Variants in UXS1 observed in about 807,000 individuals in gnomAD.
The protein encoded by UXS1 is UDP-glucuronate decarboxylase 1, also known as UDP-glucuronic acid decarboxylase 1.
UXS1 carries 33 observed loss-of-function variants against 62.6 expected under a neutral mutation model. The ratio of observed to expected loss-of-function variants is 0.53; its 90% CI spans 0.40 to 0.70. The LOEUF (loss-of-function observed/expected upper bound fraction) is 0.70, where lower values mean the gene tolerates loss of function less well. Among genes scored for constraint, UXS1 ranks in the 30% least tolerant of loss-of-function variants. The pLI is 0.00. For missense variants in UXS1, 434 were observed against 556.3 expected, an observed-to-expected ratio of 0.78 and a Z score of 2.21; for synonymous variants, 213 against 206.8, an observed-to-expected ratio of 1.03 and a Z score of -0.26.
rs767306152 is a variant in UXS1 at position 106,123,095 on chromosome 2, C to T, written c.638-4G>A. 22 of 1,613,394 alleles carry T rather than the reference C, an allele frequency of 1.4e-5. No homozygotes were observed. Among genetic ancestry groups the T allele is most frequent in the East Asian group, 2.2e-5 (1 of 44,872 alleles). ...CTTTGAGGGTGGACTTCAGGATCTA[C>T]GATGGGAGAAAAGTGAGACTGTTTT... On this transcript the variant is annotated splice_polypyrimidine_tract_variant and splice_region_variant and intron_variant, in intron 8 of 14. Coordinates refer to ENST00000283148, the MANE Select transcript of UXS1 (RefSeq NM_001253875.2).
At chr2:106,121,112 G>A (rs889748815) in intron 9 of UXS1, among the ~76,000 whole-genome samples, 1 of 152,220 alleles carries the variant, frequency 6.6e-6, no homozygotes, top group African/African-American at 2.4e-5. Context: ...TAGCATTTGT[G>A]TGAAATGCAG....
In UXS1 at chr2:106,096,841, A is replaced by C. The variant is rs1242291927; in HGVS notation, c.1043-20T>G. On this transcript the variant is annotated intron_variant, in intron 13 of 14. Transcript: ENST00000283148. ...CGCTACCTGAGATGTTTAAAGAAAA[A>C]AAAGGTAGGAGAGAATCACAAAGCA... 7 of 1,560,182 alleles carry C rather than the reference A, an allele frequency of 4.5e-6. No individual in the cohort carries two copies. The African/African-American group carries it at 8.2e-5, about 18-fold the overall frequency.
intron 5 of UXS1, among the ~76,000 whole-genome samples, chr2:106,155,028 GAGA>G (rs1558732865): frequency 6.6e-6 from 1 of 152,160 alleles, no homozygotes; most frequent in Non-Finnish European, 1.5e-5. Context: ...GCAAGACAGG[GAGA>G]AGAAGGGGGT....
chr2:106,163,949 T>C (rs1425797036), intron 3 of UXS1, among the ~76,000 whole-genome samples: 1 of 152,212 alleles, frequency 6.6e-6, no homozygotes, highest in African/African-American at 2.4e-5. Flanking sequence ...ATGTTTTTGC[T>C]CACCCATCCT....
chr2:106,124,377 C>A (rs966108483), intron 8 of UXS1, among the ~76,000 whole-genome samples: 3 of 152,182 alleles, frequency 2.0e-5, no homozygotes, highest in Non-Finnish European at 2.9e-5. Flanking sequence ...AGTCCCCTCA[C>A]AAAATCACCG....
intron 4 of UXS1, chr2:106,159,041 TAAAAAC>T (rs1682687510): frequency 6.6e-6 from 1 of 152,114 alleles, no homozygotes; most frequent in African/African-American, 2.4e-5. Context: ...AAACTACCCT[TAAAAAC>T]TCAAGCCGCC....
intron 5 of UXS1, among the ~76,000 whole-genome samples, chr2:106,155,930 G>A (rs1042207799): frequency 6.6e-6 from 1 of 152,014 alleles, no homozygotes; most frequent in Non-Finnish European, 1.5e-5. Flanking sequence ...CTAAATTTAA[G>A]AACAAAATCT....
At chr2:106,170,624 T>C (rs934018653) in intron 1 of UXS1, among the ~76,000 whole-genome samples, 1 of 152,214 alleles carries the variant, frequency 6.6e-6, no homozygotes, top group Non-Finnish European at 1.5e-5. Context: ...CTACCTGCTT[T>C]GCTTGAGAGA....
At chr2:106,176,586 G>A (rs893514330) in intron 1 of UXS1, among the ~76,000 whole-genome samples, 3 of 152,306 alleles carry the variant, frequency 2.0e-5, no homozygotes, top group African/African-American at 7.2e-5. Context: ...ACGGGAAGCC[G>A]TGCCTACTCC....
intron 6 of UXS1, among the ~76,000 whole-genome samples, chr2:106,141,127 A>C (rs1359038717): frequency 2.6e-5 from 4 of 152,240 alleles, no homozygotes; most frequent in Non-Finnish European, 5.9e-5. Context: ...ACGACTTGCT[A>C]ACAAGTAATG....
chr2:106,126,060 G>A (rs1679917593), intron 7 of UXS1, among the ~76,000 whole-genome samples: 1 of 152,072 alleles, frequency 6.6e-6, no homozygotes, highest in South Asian at 2.1e-4. Context: ...TTCCACAATG[G>A]TCAGCTTGCC....
chr2:106,118,195 G>T (rs78863017), intron 9 of UXS1, among the ~76,000 whole-genome samples: 1 of 151,188 alleles, frequency 6.6e-6, no homozygotes, highest in East Asian at 1.9e-4. Flanking sequence ...CCTAGCCATG[G>T]AACACTGCAC....
intron 4 of UXS1, 45 bp from the exon 5 acceptor site, chr2:106,158,163 A>C (rs2105040451): frequency 6.7e-4 from 969 of 1,444,090 alleles, no homozygotes; most frequent in Non-Finnish European, 8.3e-4. Flanking sequence ...CAAACATCTC[A>C]TTTGAATATT....
chr2:106,171,671 T>C (rs1683569077), intron 1 of UXS1, among the ~76,000 whole-genome samples: 1 of 152,240 alleles, frequency 6.6e-6, no homozygotes, highest in Admixed American at 6.5e-5. Context: ...GCAATTTCAA[T>C]GGCCCTATTT....
rs370672088 is a variant in UXS1, at chr2:106,097,603, C to A, written c.1043-782G>T. On this transcript the variant is annotated intron_variant, in intron 13 of 14. Coordinates refer to ENST00000283148, the MANE Select transcript of UXS1 (RefSeq NM_001253875.2). ...ATAGTGTTTCTCAAGCGTCAGCACG[C>A]ACGGATCACCTGAAGAGCCTGTCAA... 1.2e-4 allele frequency: 29 copies of A among 234,294 alleles called. No homozygotes were observed. The East Asian group carries it at 2.4e-3, about 19-fold the overall frequency. 14.5% of individuals were successfully genotyped at this position (234,294 alleles called of 1,614,324 possible).
intron 8 of UXS1, 114 bp downstream of exon 8, chr2:106,125,506 G>C (rs1679862581): frequency 9.8e-7 from 1 of 1,016,084 alleles, no homozygotes; most frequent in Non-Finnish European, 1.3e-6. Flanking sequence ...CTGTGCACAA[G>C]AGGAGCATGG....
chr2:106,101,388 G>A (rs1184537201), intron 11 of UXS1: 4 of 407,266 alleles, frequency 9.8e-6, no homozygotes, highest in African/African-American at 2.0e-5. Context: ...GCTGAGTGAT[G>A]GGGCTGAGTT....
intron 6 of UXS1, among the ~76,000 whole-genome samples, chr2:106,130,372 C>G (rs1349571142): frequency 2.0e-5 from 3 of 152,166 alleles, no homozygotes; most frequent in African/African-American, 7.2e-5. Flanking sequence ...CGTTCCAGCA[C>G]AGAACCAAGT....
intron 1 of UXS1, chr2:106,183,523 C>G (rs1684375695): frequency 6.6e-6 from 1 of 152,112 alleles, no homozygotes; most frequent in Non-Finnish European, 1.5e-5. Flanking sequence ...AAAGCTTAAC[C>G]AAAAAGAAAC....
Sources: gnomAD v4.1 joint callset for allele counts (sites outside exome capture counted in the v4.1 genomes callset) on GRCh38, gnomAD v4.1.1 for gene constraint, MANE v1.5 for transcripts, NCBI Gene and HGNC (gene_info 2026-07-23, HGNC 2026-07-21) for gene names.